GRIN2B: variants seen among roughly 807,000 people sequenced by gnomAD.
GRIN2B encodes glutamate receptor ionotropic, NMDA 2B.
A neutral mutation model predicts 114.5 loss-of-function variants in GRIN2B; 5 were observed. The ratio of observed to expected loss-of-function variants is 0.04; its 90% CI spans 0.02 to 0.09. GRIN2B has a LOEUF of 0.09. GRIN2B is among the 10% of genes least tolerant of loss of function. GRIN2B has a pLI of 1.00. For synonymous variants in GRIN2B, 787 were observed against 745.1 expected (o/e 1.06, Z -0.92); for missense variants, 1,108 against 1,943.5 (o/e 0.57, Z 8.08).
intron 2 of GRIN2B, among the ~76,000 whole-genome samples, chr12:13,898,639 C>T (rs1866392546): frequency 3.3e-5 from 5 of 152,320 alleles, no homozygotes; most frequent in South Asian, 2.1e-4. Context: ...GGGCTGGGCA[C>T]GGTGGCTCAT....
intron 3 of GRIN2B, among the ~76,000 whole-genome samples, chr12:13,842,839 C>G (rs1325305623): frequency 6.6e-6 from 1 of 151,168 alleles, no homozygotes; most frequent in Non-Finnish European, 1.5e-5. Flanking sequence ...ATAGCAAGGG[C>G]TCCATACATA....
chr12:13,979,528 GAA>G (rs201870750), intron 2 of GRIN2B, among the ~76,000 whole-genome samples: 131 of 101,732 alleles, frequency 1.3e-3, no homozygotes, highest in Middle Eastern at 5.6e-3. Context: ...AAGCCAACCT[GAA>G]AAAAAAAAAA....
At chr12:13,974,664 C>A (rs1340967370) in intron 2 of GRIN2B, among the ~76,000 whole-genome samples, 2 of 152,156 alleles carry the variant, frequency 1.3e-5, no homozygotes, top group African/African-American at 2.4e-5. Context: ...TCCCAGATTT[C>A]TCTCCTTTTT....
intron 2 of GRIN2B, among the ~76,000 whole-genome samples, chr12:13,965,946 C>T (rs141270918): frequency 2.0e-5 from 3 of 152,240 alleles, no homozygotes; most frequent in African/African-American, 4.8e-5. Flanking sequence ...TTTGTTTATC[C>T]GAGCAGGATC....
At chr12:13,726,587 A>ATATAT (rs550131140) in intron 4 of GRIN2B, among the ~76,000 whole-genome samples, 2,295 of 148,246 alleles carry the variant, frequency 0.015, 67 homozygotes, top group African/African-American at 0.053. Context: ...ATATATATAA[A>ATATAT]TATATAACAT....
chr12:13,963,949 A>C (rs961259544), intron 2 of GRIN2B, among the ~76,000 whole-genome samples: 4 of 152,130 alleles, frequency 2.6e-5, no homozygotes, highest in African/African-American at 9.7e-5. Flanking sequence ...ACTGAATATC[A>C]ACTTTGAGAG....
intron 10 of GRIN2B, among the ~76,000 whole-genome samples, chr12:13,595,685 CT>C (rs1418144949): frequency 6.6e-6 from 1 of 152,148 alleles, no homozygotes; most frequent in Non-Finnish European, 1.5e-5. Context: ...GCAGCAGCCT[CT>C]CCTCATTAGC....
At chr12:13,903,598 C>T (rs1866492473) in intron 2 of GRIN2B, among the ~76,000 whole-genome samples, 1 of 151,872 alleles carries the variant, frequency 6.6e-6, no homozygotes, top group African/African-American at 2.4e-5. Flanking sequence ...AATTTCAGTC[C>T]CTTTGAAATT....
chr12:13,614,016 C>CAAAA (rs77527098), intron 8 of GRIN2B, among the ~76,000 whole-genome samples: 256 of 92,346 alleles, frequency 2.8e-3, no homozygotes, highest in East Asian at 6.8e-3. Flanking sequence ...CCTTGCACAG[C>CAAAA]AAAAAAAAAA....
intron 5 of GRIN2B, among the ~76,000 whole-genome samples, chr12:13,645,938 A>T (rs1179178419): frequency 6.6e-6 from 1 of 152,134 alleles, no homozygotes; most frequent in Non-Finnish European, 1.5e-5. Context: ...AAAGAGAAAG[A>T]GGTAAATTGG....
chr12:13,674,691 G>C (rs1179137962), intron 5 of GRIN2B, among the ~76,000 whole-genome samples: 1 of 152,074 alleles, frequency 6.6e-6, no homozygotes, highest in Non-Finnish European at 1.5e-5. Context: ...CAGCCAATTG[G>C]TCCATGGAAT....
At chr12:13,656,875 T>C (rs1180204588) in intron 5 of GRIN2B, among the ~76,000 whole-genome samples, 1 of 152,202 alleles carries the variant, frequency 6.6e-6, no homozygotes, top group Non-Finnish European at 1.5e-5. Context: ...TTTATAGATA[T>C]GGATGGAAAC....
intron 2 of GRIN2B, among the ~76,000 whole-genome samples, chr12:13,949,110 A>G (rs1456001696): frequency 6.6e-6 from 1 of 152,116 alleles, no homozygotes; most frequent in East Asian, 1.9e-4. Context: ...TGGAGGGACC[A>G]TTGCTTCAAC....
chr12:13,849,782 C>A (rs1865527946), intron 3 of GRIN2B, among the ~76,000 whole-genome samples: 1 of 152,194 alleles, frequency 6.6e-6, no homozygotes, highest in African/African-American at 2.4e-5. Flanking sequence ...CAAATACACA[C>A]TGAGCACACC....
intron 4 of GRIN2B, among the ~76,000 whole-genome samples, chr12:13,694,657 A>ACATG: frequency 1.4e-4 from 1 of 7,174 alleles, no homozygotes; most frequent in East Asian, 5.2e-3. Context: ...AGAAAATGTC[A>ACATG]TATATATATA....
chr12:13,898,426 G>T (rs1368556282), intron 2 of GRIN2B, among the ~76,000 whole-genome samples: 1 of 152,238 alleles, frequency 6.6e-6, no homozygotes, highest in Non-Finnish European at 1.5e-5. Context: ...GTAAGGATTT[G>T]AACCCAGGCT....
intron 3 of GRIN2B, among the ~76,000 whole-genome samples, chr12:13,787,633 G>C (rs375348774): frequency 1.3e-5 from 2 of 152,168 alleles, no homozygotes; most frequent in South Asian, 2.1e-4. Flanking sequence ...AATTATCTAA[G>C]GATTTCATAC....
intron 2 of GRIN2B, among the ~76,000 whole-genome samples, chr12:13,921,594 A>G (rs1323737454): frequency 6.6e-6 from 1 of 152,122 alleles, no homozygotes; most frequent in Admixed American, 6.6e-5. Context: ...ATGTCTATCT[A>G]AGTTTCTCTT....
At chr12:13,653,853 C>T (rs1949839935) in intron 5 of GRIN2B, among the ~76,000 whole-genome samples, 1 of 152,130 alleles carries the variant, frequency 6.6e-6, no homozygotes, top group South Asian at 2.1e-4. Context: ...CATGTTTCAT[C>T]TATAACCACT....
Sources: gnomAD v4.1 joint callset for allele counts (sites outside exome capture counted in the v4.1 genomes callset) on GRCh38, gnomAD v4.1.1 for gene constraint, MANE v1.5 for transcripts, NCBI Gene and HGNC (gene_info 2026-07-23, HGNC 2026-07-21) for gene names.